The following CD74 variants were observed in gnomAD, a reference collection of about 807,000 sequenced individuals.
The protein encoded by CD74 is CD74 molecule, also known as HLA class II histocompatibility antigen gamma chain.
Under a neutral mutation model 37.1 loss-of-function variants are expected in CD74, and 20 were observed. The observed-to-expected ratio is 0.54, with a 90% CI of 0.38 to 0.78. CD74 has a LOEUF of 0.78. Ranked by LOEUF, CD74 falls within the 30% of genes least tolerant of loss-of-function variation. The pLI is 0.00. For synonymous variants in CD74, 150 were observed against 152.0 expected (o/e 0.99, Z 0.10); for missense variants, 338 against 389.5 (o/e 0.87, Z 1.11).
rs1036883812 is a variant in CD74, at chr5:150,404,560, G to T, written c.625+120C>A. 20 of 628,924 alleles carry T rather than the reference G, an allele frequency of 3.2e-5. No homozygotes were observed. The East Asian group carries it at 5.5e-4, about 17-fold the overall frequency. The allele number at this position is 628,924 out of a possible 1,614,324, so 39.0% of individuals were successfully genotyped here. A position where few individuals can be genotyped will look rare whatever the true frequency, so the allele number is the denominator to read the frequency against. Reference sequence around the variant, plus strand: ...GAAGTGAGAAAGAAGTGAGAGCTGAGAGGATGGGAGATTCCGCGGTGCTGG... The same window carrying T: ...GAAGTGAGAAAGAAGTGAGAGCTGATAGGATGGGAGATTCCGCGGTGCTGG... On this transcript the variant is annotated intron_variant, in intron 6 of 8. Transcript: ENST00000009530.
At position 150,406,956 on chromosome 5, in the gene CD74, G is replaced by A; in HGVS notation, c.303C>T (p.Pro101=). Residue 101 remains proline, a synonymous_variant, in exon 3 of 9, where the codon CCC becomes CCT. Transcript: ENST00000009530. ...CCATGCGCATCTTGCTCACAGGCTTGGGAGCTGTGGGGACAGGAACGAGGG... is the reference window on the plus strand; with the variant it reads ...CCATGCGCATCTTGCTCACAGGCTTAGGAGCTGTGGGGACAGGAACGAGGG... The part of the protein sequence containing the change: ...ENLRMKLPKP[P]KPVSKMRMAT... The A allele has an allele frequency of 6.4e-7, 1 of 1,569,630 alleles. No homozygotes were observed. Among genetic ancestry groups the A allele is most frequent in the South Asian group, 1.2e-5 (1 of 83,868 alleles).
rs776011386 is a variant in CD74 at position 150,403,136 on chromosome 5, G to T, written c.802C>A (p.His268Asn). Residue 268 changes from histidine to asparagine, a missense_variant, in exon 7 of 9, where the codon CAC (histidine) becomes AAC (asparagine). Coordinates refer to ENST00000009530, the MANE Select transcript of CD74 (RefSeq NM_001025159.3). The surrounding 1 kb of genome is among the most constrained non-coding windows in gnomAD (Gnocchi z 4.5). Reference sequence around the variant, plus strand: ...CACTGCTTACCACTGCAGTTATGGTGCCCGCGGCTTCTGGTGTTGGGGACC... The same window carrying T: ...CACTGCTTACCACTGCAGTTATGGTTCCCGCGGCTTCTGGTGTTGGGGACC... ...TEVPNTRSRG[H>N]HNCSESLELE... 24 of 1,613,676 alleles carry T rather than the reference G, an allele frequency of 1.5e-5. No homozygotes were observed. The highest frequency in any genetic ancestry group is 1.9e-5 in the Non-Finnish European group (23 of 1,179,724).
rs1216591119 is a variant in CD74, at chr5:150,407,774, G to A, written c.126-450C>T. ...TGTTTTGTTTTGTTTTGTTTTTTGA[G>A]ACGGAGTCTTGCTCTGTCGCCCAGG... On this transcript the variant is annotated intron_variant, in intron 1 of 8. Coordinates refer to ENST00000009530, the MANE Select transcript of CD74 (RefSeq NM_001025159.3). This position sits in a 1 kb window ranked among gnomAD's most constrained non-coding sequence, Gnocchi z 4.4. Among the ~76,000 whole-genome samples, 1 of 147,746 alleles carries A rather than the reference G, an allele frequency of 6.8e-6. No homozygotes were observed. The highest frequency in any genetic ancestry group is 2.0e-4 in the East Asian group (1 of 4,990).
Position 150,402,327 on chromosome 5 carries a change from C to A in CD74, c.881-77G>T. 1 of 1,157,556 alleles carries A rather than the reference C, an allele frequency of 8.6e-7. No individual in the cohort carries two copies. Among genetic ancestry groups the A allele is most frequent in the Admixed American group, 1.9e-5 (1 of 52,126 alleles). 71.7% of individuals were successfully genotyped at this position (1,157,556 alleles called of 1,614,324 possible). A position where few individuals can be genotyped will look rare whatever the true frequency, so the allele number is the denominator to read the frequency against. ...GCCCCTTTCTAACATCCTGGACCTG[C>A]AGAGCAGTTAAGGACTGTCCACCCT... is the stretch of plus-strand genomic sequence containing the variant. On this transcript the variant is annotated intron_variant, in intron 8 of 8. Transcript: ENST00000009530. This position sits in a 1 kb window ranked among gnomAD's most constrained non-coding sequence, Gnocchi z 4.2.
intron 1 of CD74, among the ~76,000 whole-genome samples, chr5:150,410,840 T>G (rs535124452): frequency 6.6e-6 from 1 of 152,216 alleles, no homozygotes; most frequent in East Asian, 1.9e-4. Context: ...AGTAACTGAA[T>G]AAAGGGAAAA....
Position 150,402,081 on chromosome 5 carries a change from T to C in CD74, c.*159A>G, listed in dbSNP as rs1769651080. ...CTGCATTGTTATCTGCTGTTCCGAC[T>C]TGGTTTGTCTTGTCCAAGGGTGACG... On this transcript the variant is annotated 3_prime_UTR_variant, in exon 9 of 9. Transcript: ENST00000009530. The surrounding 1 kb of genome is among the most constrained non-coding windows in gnomAD (Gnocchi z 4.2). 6.5e-7 allele frequency: 1 copy of C among 1,542,324 alleles called. No homozygotes were observed.
At position 150,402,970 on chromosome 5, in the gene CD74, G is replaced by A. The variant is rs2151168915; in HGVS notation, c.817+151C>T. On this transcript the variant is annotated intron_variant, in intron 7 of 8. Transcript: ENST00000009530. The surrounding 1 kb of genome is among the most constrained non-coding windows in gnomAD (Gnocchi z 4.2). Reference sequence around the variant, plus strand: ...AATAGGAATGCACAGGTGGGTGGATGGATAAAGGGCTGGACGCATGACTAC... The same window carrying A: ...AATAGGAATGCACAGGTGGGTGGATAGATAAAGGGCTGGACGCATGACTAC... 1.6e-6 allele frequency: 1 copy of A among 632,062 alleles called. No individual in the cohort carries two copies. The allele number at this position is 632,062 out of a possible 1,614,324, so 39.2% of individuals were successfully genotyped here.
chr5:150,405,530 T>TAG, intron 4 of CD74: 1 of 615,592 alleles, frequency 1.6e-6, no homozygotes, highest in Non-Finnish European at 2.1e-6. Flanking sequence ...GGTTGAGTCC[T>TAG]CTGCCTCTTT....
chr5:150,412,294 A>G (rs946215927), intron 1 of CD74, among the ~76,000 whole-genome samples: 2 of 152,222 alleles, frequency 1.3e-5, no homozygotes, highest in Non-Finnish European at 2.9e-5. Context: ...TAGCATTCAC[A>G]GCCCAGCTTT....
Position 150,402,996 on chromosome 5 carries a change from G to T in CD74, c.817+125C>A. ...GATAAAGGGCTGGACGCATGACTAC[G>T]TCACTGCCCCCAGGAGCTGCCATCC... On this transcript the variant is annotated intron_variant, in intron 7 of 8. Coordinates refer to ENST00000009530, the MANE Select transcript of CD74 (RefSeq NM_001025159.3). The surrounding 1 kb of genome is among the most constrained non-coding windows in gnomAD (Gnocchi z 4.2). 1.4e-6 allele frequency: 1 copy of T among 737,400 alleles called. No individual in the cohort carries two copies. The highest frequency in any genetic ancestry group is 2.2e-6 in the Non-Finnish European group (1 of 446,042). 45.7% of individuals were successfully genotyped at this position (737,400 alleles called of 1,614,324 possible). A position where few individuals can be genotyped will look rare whatever the true frequency, so the allele number is the denominator to read the frequency against.
rs2151166573 is a variant in CD74 at position 150,402,406 on chromosome 5, C to G, written c.881-156G>C. 1.1e-6 allele frequency: 1 copy of G among 888,502 alleles called. No homozygotes were observed. The highest frequency in any genetic ancestry group is 1.9e-6 in the Non-Finnish European group (1 of 532,264). 55.0% of individuals were successfully genotyped at this position (888,502 alleles called of 1,614,324 possible). On this transcript the variant is annotated intron_variant, in intron 8 of 8. Coordinates refer to ENST00000009530, the MANE Select transcript of CD74 (RefSeq NM_001025159.3). The surrounding 1 kb of genome is among the most constrained non-coding windows in gnomAD (Gnocchi z 4.2). Reference sequence around the variant, plus strand: ...GACCATCATGGATTTGTGTAACTCCCCACAGCCCCCCAACCCTGTTCCTTC... The same window carrying G: ...GACCATCATGGATTTGTGTAACTCCGCACAGCCCCCCAACCCTGTTCCTTC...
intron 1 of CD74, among the ~76,000 whole-genome samples, chr5:150,411,149 G>A (rs532995324): frequency 1.9e-4 from 29 of 152,346 alleles, no homozygotes; most frequent in African/African-American, 6.3e-4. Flanking sequence ...TAGGGTGACT[G>A]TAAGAATTAA....
chr5:150,408,082 G>C (rs1770096499), intron 1 of CD74, among the ~76,000 whole-genome samples: 1 of 151,678 alleles, frequency 6.6e-6, no homozygotes, highest in Non-Finnish European at 1.5e-5. Flanking sequence ...GGATCAACCA[G>C]GTATGTTATT....
Position 150,402,311 on chromosome 5 carries a change from T to C in CD74, c.881-61A>G. The stretch of plus-strand genomic sequence containing the variant: ...CCCATTTGTTGTCCCTGCCCCTTTC[T>C]AACATCCTGGACCTGCAGAGCAGTT... On this transcript the variant is annotated intron_variant, in intron 8 of 8. Coordinates refer to ENST00000009530, the MANE Select transcript of CD74 (RefSeq NM_001025159.3). The surrounding 1 kb of genome is among the most constrained non-coding windows in gnomAD (Gnocchi z 4.2). 2 of 1,285,248 alleles carry C rather than the reference T, an allele frequency of 1.6e-6. No individual in the cohort carries two copies. Among genetic ancestry groups the C allele is most frequent in the Non-Finnish European group, 2.2e-6 (2 of 896,784 alleles). The allele number at this position is 1,285,248 out of a possible 1,614,324, so 79.6% of individuals were successfully genotyped here. A position where few individuals can be genotyped will look rare whatever the true frequency, so the allele number is the denominator to read the frequency against.
At chr5:150,406,814 C>T (rs912837055) in intron 3 of CD74, 67 bp downstream of exon 3, 2 of 1,118,220 alleles carry the variant, frequency 1.8e-6, no homozygotes, top group Non-Finnish European at 2.5e-6. Context: ...CTGCCCCTCC[C>T]CTTGGCACTG....
chr5:150,411,049 T>C (rs74838659), intron 1 of CD74, among the ~76,000 whole-genome samples: 8,912 of 152,246 alleles, frequency 0.059, 352 homozygotes, highest in South Asian at 0.12. Context: ...CTCCAACCAC[T>C]CACTAGCTAT....
At position 150,403,057 on chromosome 5, in the gene CD74, T is replaced by C. The variant is rs2151169290; in HGVS notation, c.817+64A>G. 1 of 1,428,514 alleles carries C rather than the reference T, an allele frequency of 7.0e-7. No individual in the cohort carries two copies. The highest frequency in any genetic ancestry group is 9.6e-7 in the Non-Finnish European group (1 of 1,041,098). The allele number at this position is 1,428,514 out of a possible 1,614,324, so 88.5% of individuals were successfully genotyped here. ...GGTCCCATGTGCTTCAGAGGGGACC[T>C]CTTGCCCCTCAACCTTCCTAGTCCT... On this transcript the variant is annotated intron_variant, in intron 7 of 8. Transcript: ENST00000009530. The surrounding 1 kb of genome is among the most constrained non-coding windows in gnomAD (Gnocchi z 4.5).
rs989281483 is a variant in CD74 at position 150,402,858 on chromosome 5, G to A, written c.818-233C>T. Reference sequence around the variant, plus strand: ...ACTCCTGGATGCTAGAGGATGGCGCGTGGATGGATGAAATTCACAGATGAA... The same window carrying A: ...ACTCCTGGATGCTAGAGGATGGCGCATGGATGGATGAAATTCACAGATGAA... On this transcript the variant is annotated intron_variant, in intron 7 of 8. Coordinates refer to ENST00000009530, the MANE Select transcript of CD74 (RefSeq NM_001025159.3). The surrounding 1 kb of genome is among the most constrained non-coding windows in gnomAD (Gnocchi z 4.2). 1.3e-5 allele frequency among the ~76,000 whole-genome samples: 2 copies of A among 152,244 alleles called. No individual in the cohort carries two copies. Among genetic ancestry groups the A allele is most frequent in the Non-Finnish European group, 2.9e-5 (2 of 68,044 alleles).
intron 1 of CD74, among the ~76,000 whole-genome samples, chr5:150,408,811 G>T (rs1770152965): frequency 6.6e-6 from 1 of 152,208 alleles, no homozygotes; most frequent in East Asian, 1.9e-4. Flanking sequence ...AGGTGATCGG[G>T]CCACAAGGCC....
Sources: gnomAD v4.1 joint callset for allele counts (sites outside exome capture counted in the v4.1 genomes callset) on GRCh38, gnomAD v4.1.1 for gene constraint, Gnocchi (gnomAD v3.1) non-coding constraint, MANE v1.5 for transcripts, NCBI Gene and HGNC (gene_info 2026-07-23, HGNC 2026-07-21) for gene names.